Variants in CPEB3 observed in about 807,000 individuals in gnomAD.
CPEB3 encodes cytoplasmic polyadenylation element binding protein 3.
A neutral mutation model predicts 67.2 loss-of-function variants in CPEB3; 20 were observed. That is an observed-to-expected ratio of 0.30 (90% CI 0.21 to 0.43). CPEB3 has a LOEUF of 0.43. CPEB3 is among the 20% of genes least tolerant of loss of function. The probability of loss-of-function intolerance (pLI) is 1.00; values close to 1 mark genes in which losing one functional copy is unlikely to be tolerated. For synonymous variants in CPEB3, 376 were observed against 393.1 expected (o/e 0.96, Z 0.51); for missense variants, 746 against 968.6 (o/e 0.77, Z 3.05).
chr10:92,250,248 C>T (rs1028412590), intron 1 of CPEB3, among the ~76,000 whole-genome samples: 4 of 151,280 alleles, frequency 2.6e-5, no homozygotes, highest in African/African-American at 7.3e-5. Flanking sequence ...CCACCACACC[C>T]GGCTAATTTT....
At chr10:92,120,096 T>C (rs375867743) in intron 6 of CPEB3, among the ~76,000 whole-genome samples, 1 of 12,930 alleles carries the variant, frequency 7.7e-5, no homozygotes, top group Non-Finnish European at 1.4e-4. Flanking sequence ...CTACTAAAAA[T>C]ACAAAAAAAA....
chr10:92,127,735 T>G (rs765101035), intron 6 of CPEB3, among the ~76,000 whole-genome samples: 25 of 152,064 alleles, frequency 1.6e-4, no homozygotes, highest in Non-Finnish European at 2.9e-4. Context: ...AAGGAAGTAC[T>G]AAGGCCCCCC....
chr10:92,253,703 C>G (rs532935687), intron 1 of CPEB3, among the ~76,000 whole-genome samples: 1 of 152,080 alleles, frequency 6.6e-6, no homozygotes, highest in South Asian at 2.1e-4. Flanking sequence ...GTGATTGTGC[C>G]ACTGCACTAC....
At chr10:92,272,551 T>C (rs1820313041) in intron 1 of CPEB3, among the ~76,000 whole-genome samples, 1 of 152,178 alleles carries the variant, frequency 6.6e-6, no homozygotes, top group South Asian at 2.1e-4. Context: ...TCAATTCTAA[T>C]CCAACATCAC....
At chr10:92,063,605 A>T (rs1284617034) in intron 9 of CPEB3, among the ~76,000 whole-genome samples, 1 of 152,166 alleles carries the variant, frequency 6.6e-6, no homozygotes, top group Non-Finnish European at 1.5e-5. Flanking sequence ...CTCTACTAAA[A>T]ATACAAAAAT....
rs1851664403 is a variant in CPEB3, at chr10:92,238,792, C to T, written c.1005+554G>A. ...TGCTGATTGTTATTAATGATTCTAG[C>T]ACCTTAGCGAGACATAAACACATGT... is the stretch of plus-strand genomic sequence containing the variant. On this transcript the variant is annotated intron_variant, in intron 2 of 9. Transcript: ENST00000265997. Among the ~76,000 whole-genome samples, 3 of 152,284 alleles carry T rather than the reference C, an allele frequency of 2.0e-5. No individual in the cohort carries two copies. The South Asian group carries it at 6.2e-4, about 32-fold the overall frequency.
At chr10:92,287,530 T>C (rs1842587749) in intron 1 of CPEB3, among the ~76,000 whole-genome samples, 1 of 152,214 alleles carries the variant, frequency 6.6e-6, no homozygotes, top group African/African-American at 2.4e-5. Flanking sequence ...CTGAGTTTTA[T>C]CAATCACTAT....
chr10:92,185,617 T>A (rs570064830), intron 3 of CPEB3, among the ~76,000 whole-genome samples: 1 of 152,330 alleles, frequency 6.6e-6, no homozygotes, highest in South Asian at 2.1e-4. Context: ...CTACAATATG[T>A]TATGAGATAG....
chr10:92,259,039 T>A (rs1475842038), intron 1 of CPEB3, among the ~76,000 whole-genome samples: 1 of 151,714 alleles, frequency 6.6e-6, no homozygotes, highest in Non-Finnish European at 1.5e-5. Context: ...CTCAGCTCAC[T>A]GCAATCTCCA....
intron 1 of CPEB3, among the ~76,000 whole-genome samples, chr10:92,259,037 A>G (rs1006000736): frequency 4.0e-5 from 6 of 151,394 alleles, no homozygotes; most frequent in Non-Finnish European, 8.8e-5. Flanking sequence ...ATCTCAGCTC[A>G]CTGCAATCTC....
chr10:92,248,010 C>G (rs1181402748), intron 1 of CPEB3, among the ~76,000 whole-genome samples: 1 of 152,078 alleles, frequency 6.6e-6, no homozygotes, highest in African/African-American at 2.4e-5. Context: ...TTTGGAGTAG[C>G]CATTAAAGGC....
chr10:92,094,952 C>T (rs765193234), intron 7 of CPEB3, among the ~76,000 whole-genome samples: 6 of 152,042 alleles, frequency 3.9e-5, no homozygotes, highest in Non-Finnish European at 7.4e-5. Context: ...ATGTTAATTG[C>T]GTTTGATCAT....
chr10:92,251,513 T>G (rs1852301744), intron 1 of CPEB3, among the ~76,000 whole-genome samples: 1 of 152,156 alleles, frequency 6.6e-6, no homozygotes, highest in Admixed American at 6.6e-5. Context: ...TGGATCTATG[T>G]ATGATCCCCA....
chr10:92,167,906 C>T (rs1847820433), intron 4 of CPEB3, among the ~76,000 whole-genome samples: 1 of 150,932 alleles, frequency 6.6e-6, no homozygotes, highest in East Asian at 1.9e-4. Flanking sequence ...GAGACTCTGT[C>T]TCAAAAAAAA....
At chr10:92,289,055 C>T (rs1222408519) in intron 1 of CPEB3, among the ~76,000 whole-genome samples, 1 of 152,030 alleles carries the variant, frequency 6.6e-6, no homozygotes, top group Non-Finnish European at 1.5e-5. Context: ...TCAGCCTGGT[C>T]AACATGGTGA....
intron 7 of CPEB3, among the ~76,000 whole-genome samples, chr10:92,108,040 C>G (rs1457378951): frequency 6.6e-6 from 1 of 152,122 alleles, no homozygotes; most frequent in African/African-American, 2.4e-5. Context: ...GAAAAACAAT[C>G]TGATTAATCT....
chr10:92,222,195 T>C (rs1850736463), intron 2 of CPEB3, among the ~76,000 whole-genome samples: 1 of 139,456 alleles, frequency 7.2e-6, no homozygotes, highest in Admixed American at 7.2e-5. Flanking sequence ...TCCAAACCTC[T>C]TTTTTTTTTT....
chr10:92,283,634 T>G (rs1007530847), intron 1 of CPEB3, among the ~76,000 whole-genome samples: 1 of 152,060 alleles, frequency 6.6e-6, no homozygotes, highest in African/African-American at 2.4e-5. Context: ...CCAGGGCAGT[T>G]CTCTGACTCA....
chr10:92,075,221 A>C (rs1842890100), intron 9 of CPEB3, among the ~76,000 whole-genome samples: 1 of 152,206 alleles, frequency 6.6e-6, no homozygotes, highest in Non-Finnish European at 1.5e-5. Flanking sequence ...AGTTTCCCCC[A>C]AGAGCCTGGG....
Sources: allele counts gnomAD v4.1 joint callset (sites outside exome capture counted in the v4.1 genomes callset), GRCh38; gene constraint gnomAD v4.1.1; transcripts MANE v1.5; gene names NCBI Gene and HGNC (gene_info 2026-07-23, HGNC 2026-07-21).